The following SLC28A3 variants were observed in gnomAD, a reference collection of about 807,000 sequenced individuals.
SLC28A3 encodes concentrative Na(+)-nucleoside cotransporter 3.
In SLC28A3, 68 loss-of-function variants were observed where a neutral mutation model predicts 84.2. That is an observed-to-expected ratio of 0.81 (90% CI 0.66 to 0.99). The LOEUF (loss-of-function observed/expected upper bound fraction) is 0.99. SLC28A3 is among the 50% of genes least tolerant of loss of function. The pLI is 0.00. For synonymous variants in SLC28A3, 267 were observed against 303.6 expected, an observed-to-expected ratio of 0.88 and a Z score of 1.25; for missense variants, 712 against 841.5, an observed-to-expected ratio of 0.85 and a Z score of 1.90.
chr9:84,313,529 A>G (rs1021977628), intron 1 of SLC28A3, 75 bp from the exon 2 acceptor site: 6 of 1,232,278 alleles, frequency 4.9e-6, no homozygotes, highest in African/African-American at 4.5e-5. Flanking sequence ...AAAAATACCT[A>G]GAGGAATTTG....
At chr9:84,301,239 A>AT (rs965852727) in intron 5 of SLC28A3, among the ~76,000 whole-genome samples, 1 of 146,470 alleles carries the variant, frequency 6.8e-6, no homozygotes, top group African/African-American at 2.5e-5. Flanking sequence ...AGGCTGAGCT[A>AT]TTTGGGAGGC....
At chr9:84,335,711 A>ATG (rs1826949043) in intron 1 of SLC28A3, among the ~76,000 whole-genome samples, 5 of 111,676 alleles carry the variant, frequency 4.5e-5, no homozygotes, top group African/African-American at 1.8e-4. Flanking sequence ...GTATGTATAT[A>ATG]CGTGTGTGTG....
At chr9:84,281,545 A>ATGAC (rs1824749234) in intron 14 of SLC28A3, among the ~76,000 whole-genome samples, 1 of 152,228 alleles carries the variant, frequency 6.6e-6, no homozygotes, top group African/African-American at 2.4e-5. Flanking sequence ...GGACTGTAAA[A>ATGAC]TGACACAGTC....
At chr9:84,367,646 T>C in the SLC28A3 span, among the ~76,000 whole-genome samples, 1 of 152,092 alleles carries the variant, frequency 6.6e-6, no homozygotes, top group South Asian at 2.1e-4. Flanking sequence ...TTTTACTATC[T>C]CGGCAAGGGG....
chr9:84,330,162 G>A (rs1349797206), intron 1 of SLC28A3, among the ~76,000 whole-genome samples: 6 of 151,104 alleles, frequency 4.0e-5, no homozygotes, highest in Non-Finnish European at 8.8e-5. Context: ...CTTACTTAAG[G>A]GAAAAAAAAA....
At chr9:84,313,008 C>T (rs1826042724) in intron 2 of SLC28A3, among the ~76,000 whole-genome samples, 1 of 152,136 alleles carries the variant, frequency 6.6e-6, no homozygotes, top group Admixed American at 6.6e-5. Flanking sequence ...CATGATGGAC[C>T]CAGATTCAGA....
intron 1 of SLC28A3, among the ~76,000 whole-genome samples, chr9:84,319,502 A>T (rs1037836920): frequency 2.6e-5 from 4 of 152,010 alleles, no homozygotes; most frequent in Non-Finnish European, 4.4e-5. Flanking sequence ...TTGTCTCTCT[A>T]TTTTTTTAAA....
At position 84,278,121 on chromosome 9, in the gene SLC28A3, A is replaced by G; in HGVS notation, c.*97T>C. ...CAATTAAAGCTGATTCCATTATGGA[A>G]GCATCAATCTGTGGACAATAGCTTC... On this transcript the variant is annotated 3_prime_UTR_variant, in exon 18 of 18. Coordinates refer to ENST00000376238, the MANE Select transcript of SLC28A3 (RefSeq NM_001199633.2). The G allele has an allele frequency of 7.0e-7, 1 of 1,431,646 alleles. No homozygotes were observed. The highest frequency in any genetic ancestry group is 9.4e-7 in the Non-Finnish European group (1 of 1,063,580). 88.7% of individuals were successfully genotyped at this position (1,431,646 alleles called of 1,614,324 possible). A position where few individuals can be genotyped will look rare whatever the true frequency, so the allele number is the denominator to read the frequency against.
chr9:84,317,736 A>G (rs1013184616), intron 1 of SLC28A3, among the ~76,000 whole-genome samples: 4 of 152,178 alleles, frequency 2.6e-5, no homozygotes, highest in African/African-American at 9.7e-5. Flanking sequence ...TGGAGGCAGT[A>G]CCTACCTAAC....
chr9:84,320,040 G>GTTTTTTGTTTTTT (rs1826311957), intron 1 of SLC28A3, among the ~76,000 whole-genome samples: 1 of 59,566 alleles, frequency 1.7e-5, no homozygotes, highest in Non-Finnish European at 3.0e-5. Context: ...GGCTTGCACT[G>GTTTTTTGTTTTTT]TTTTTTTTTT....
At chr9:84,288,497 C>T (rs1300505818) in intron 11 of SLC28A3, among the ~76,000 whole-genome samples, 4 of 152,108 alleles carry the variant, frequency 2.6e-5, no homozygotes, top group Admixed American at 2.6e-4. Context: ...GATTCCTCTA[C>T]CTCTCTGTTG....
chr9:84,340,846 G>C (rs559384141), upstream of SLC28A3, among the ~76,000 whole-genome samples: 11 of 152,192 alleles, frequency 7.2e-5, no homozygotes, highest in African/African-American at 2.6e-4. Context: ...CGGGGTGGAG[G>C]CATCTAGTGC....
intron 11 of SLC28A3, among the ~76,000 whole-genome samples, chr9:84,288,734 T>C (rs1158543583): frequency 2.0e-5 from 3 of 152,006 alleles, no homozygotes; most frequent in Non-Finnish European, 4.4e-5. Context: ...TTAGTAGAGA[T>C]GGGGTTTCAA....
intron 14 of SLC28A3, among the ~76,000 whole-genome samples, chr9:84,281,914 T>C (rs879810314): frequency 3.3e-5 from 5 of 152,038 alleles, no homozygotes; most frequent in Non-Finnish European, 7.4e-5. Context: ...TCACTTGAGG[T>C]GAGGAGTTCA....
intron 12 of SLC28A3, among the ~76,000 whole-genome samples, chr9:84,287,476 C>T (rs1825038114): frequency 6.6e-6 from 1 of 152,026 alleles, no homozygotes; most frequent in Admixed American, 6.6e-5. Context: ...GGCTTTCTGT[C>T]TAAACCAAGG....
Position 84,276,361 on chromosome 9 carries a change from A to G in SLC28A3, c.*1857T>C, listed in dbSNP as rs1486716068. 3 of 152,010 alleles carry G rather than the reference A, an allele frequency of 2.0e-5. No individual in the cohort carries two copies. The highest frequency in any genetic ancestry group is 1.9e-4 in the East Asian group (1 of 5,188). 9.4% of individuals were successfully genotyped at this position (152,010 alleles called of 1,614,324 possible). ...TTTTTTAGCGTGGCTACTAGATCTT[A>G]AATTACATGTGACTTGCATATGTCT... is the stretch of plus-strand genomic sequence containing the variant. On this transcript the variant is annotated 3_prime_UTR_variant, in exon 18 of 18. Transcript: ENST00000376238.
intron 1 of SLC28A3, among the ~76,000 whole-genome samples, chr9:84,327,145 A>G (rs1826592066): frequency 6.6e-6 from 1 of 152,210 alleles, no homozygotes; most frequent in Non-Finnish European, 1.5e-5. Flanking sequence ...GAAATAACAG[A>G]ATTCAATCTC....
At chr9:84,299,004 G>C (rs946466620) in intron 6 of SLC28A3, among the ~76,000 whole-genome samples, 1 of 152,142 alleles carries the variant, frequency 6.6e-6, no homozygotes. Flanking sequence ...TCTCTGATTT[G>C]TGTTTTTTTC....
chr9:84,293,359 C>G (rs981750953), intron 9 of SLC28A3, among the ~76,000 whole-genome samples: 2 of 152,186 alleles, frequency 1.3e-5, no homozygotes, highest in African/African-American at 2.4e-5. Context: ...TTAGTTTAGA[C>G]AAGAGCATAA....
Sources: allele counts gnomAD v4.1 joint callset (sites outside exome capture counted in the v4.1 genomes callset), GRCh38; gene constraint gnomAD v4.1.1; transcripts MANE v1.5; gene names NCBI Gene and HGNC (gene_info 2026-07-23, HGNC 2026-07-21).